CDKL5: variants seen among roughly 807,000 people sequenced by gnomAD.
The protein encoded by CDKL5 is cyclin-dependent kinase-like 5.
A neutral mutation model predicts 61.7 loss-of-function variants in CDKL5; 8 were observed. The ratio of observed to expected loss-of-function variants is 0.13; its 90% CI spans 0.08 to 0.23. The LOEUF is 0.23. CDKL5 is among the 10% of genes least tolerant of loss of function. The pLI is 1.00. For synonymous variants in CDKL5, 275 were observed against 272.3 expected (o/e 1.01, Z -0.10); for missense variants, 440 against 734.5 (o/e 0.60, Z 4.63).
chrX:18,584,111 T>C, intron 7 of CDKL5, 152 bp from the exon 8 acceptor site: 1 of 486,210 alleles, frequency 2.1e-6, no homozygotes, highest in East Asian at 3.6e-5. Flanking sequence ...CTTTTTAAGA[T>C]AACAAGGATA....
At chrX:18,600,875 G>A (rs1926155337) in intron 11 of CDKL5, among the ~76,000 whole-genome samples, 1 of 111,997 alleles carries the variant, frequency 8.9e-6, no homozygotes, top group South Asian at 3.7e-4. Flanking sequence ...ATATATTAAA[G>A]AAAAAGTCTT....
intron 1 of CDKL5, among the ~76,000 whole-genome samples, chrX:18,472,955 A>ATTTT: frequency 1.1e-5 from 1 of 92,856 alleles, no homozygotes; most frequent in Non-Finnish European, 2.2e-5. Flanking sequence ...ATCTCTTCTA[A>ATTTT]TTTTTTTTTT....
At chrX:18,548,678 T>C (rs905720943) in intron 3 of CDKL5, among the ~76,000 whole-genome samples, 1 of 112,232 alleles carries the variant, frequency 8.9e-6, no homozygotes, top group Non-Finnish European at 1.9e-5. Flanking sequence ...CCCAGCGCAG[T>C]GCTTGAATAG....
At chrX:18,571,831 C>T (rs917901121) in intron 4 of CDKL5, among the ~76,000 whole-genome samples, 5 of 111,712 alleles carry the variant, frequency 4.5e-5, no homozygotes, top group Non-Finnish European at 9.4e-5. Context: ...TCATTGCAAT[C>T]TTAGTGCTCA....
Position 18,628,267 on chromosome X carries a change from C to T in CDKL5, c.2497-104C>T, listed in dbSNP as rs181323349. 2.0e-4 allele frequency: 169 copies of T among 856,813 alleles called. No homozygotes were observed. In the African/African-American group the frequency reaches 3.0e-3, roughly 15 times the overall value. 70.6% of individuals were successfully genotyped at this position (856,813 alleles called of 1,213,427 possible). A position where few individuals can be genotyped will look rare whatever the true frequency, so the allele number is the denominator to read the frequency against. The stretch of plus-strand genomic sequence containing the variant: ...CGGCTCCTCCTTGCACATGCTTGCC[C>T]TTCCTGGCCACACCCAGTCACCTCA... On this transcript the variant is annotated intron_variant, in intron 17 of 17. Transcript: ENST00000623535.
chrX:18,583,466 G>T (rs1925546506), intron 7 of CDKL5, among the ~76,000 whole-genome samples: 1 of 111,956 alleles, frequency 8.9e-6, no homozygotes, highest in African/African-American at 3.2e-5. Flanking sequence ...CGCTGGGATT[G>T]TTTTTATTTT....
At chrX:18,607,150 G>A (rs1926391137) in intron 12 of CDKL5, among the ~76,000 whole-genome samples, 1 of 111,590 alleles carries the variant, frequency 9.0e-6, no homozygotes, top group Non-Finnish European at 1.9e-5. Context: ...TGCCACTGGT[G>A]TCTTGCGGAC....
intron 3 of CDKL5, among the ~76,000 whole-genome samples, chrX:18,545,741 T>C (rs1924168904): frequency 8.9e-6 from 1 of 112,550 alleles, no homozygotes; most frequent in Non-Finnish European, 1.9e-5. Flanking sequence ...AGGAATAATG[T>C]ATCTCTCCAT....
intron 1 of CDKL5, among the ~76,000 whole-genome samples, chrX:18,441,318 G>A (rs920423749): frequency 9.0e-6 from 1 of 110,810 alleles, no homozygotes; most frequent in Admixed American, 9.6e-5. Context: ...AGGAGGCTGA[G>A]GTGGGAGGAT....
At chrX:18,606,371 T>C (rs1424826911) in intron 12 of CDKL5, among the ~76,000 whole-genome samples, 3 of 112,522 alleles carry the variant, frequency 2.7e-5, no homozygotes, top group African/African-American at 6.5e-5. Context: ...AGCTTTGAAT[T>C]GGCTGAAGAG....
Position 18,581,934 on chromosome X carries a change from A to C in CDKL5, c.447A>C (p.Leu149=). 1 of 1,195,038 alleles carries C rather than the reference A, an allele frequency of 8.4e-7. No homozygotes were observed. Residue 149 remains leucine, a synonymous_variant, in exon 7 of 18, where the codon CTA becomes CTC. Transcript: ENST00000623535. ...ENLLISHNDV[L]KLCDFGFARN... Reference sequence around the variant, plus strand: ...TCTTAATCAGCCACAATGATGTCCTAAAACTGTGTGACTTTGGTAAGTTAA... The same window carrying C: ...TCTTAATCAGCCACAATGATGTCCTCAAACTGTGTGACTTTGGTAAGTTAA...
chrX:18,564,423 C>G, intron 3 of CDKL5, 54 bp from the exon 4 acceptor site: 1 of 888,435 alleles, frequency 1.1e-6, no homozygotes, highest in Non-Finnish European at 1.6e-6. Flanking sequence ...ACTGGAATCC[C>G]CAGTCGGAAA....
In CDKL5 at chrX:18,550,889, T is replaced by G. The variant is rs770054806; in HGVS notation, c.100-13588T>G. Reference sequence around the variant, plus strand: ...CACTGCCATGTAGTCTTCAAAATTCTCATTCATTTGCAGACAATTTGGTGT... The same window carrying G: ...CACTGCCATGTAGTCTTCAAAATTCGCATTCATTTGCAGACAATTTGGTGT... On this transcript the variant is annotated intron_variant, in intron 3 of 17. Transcript: ENST00000623535. Among the ~76,000 whole-genome samples, 7 of 113,132 alleles carry G rather than the reference T, an allele frequency of 6.2e-5. No individual in the cohort carries two copies. In the South Asian group the frequency reaches 2.2e-3, roughly 35 times the overall value.
At chrX:18,546,978 A>G (rs779888067) in intron 3 of CDKL5, among the ~76,000 whole-genome samples, 1 of 111,912 alleles carries the variant, frequency 8.9e-6, no homozygotes, top group African/African-American at 3.2e-5. Flanking sequence ...CAGTAAAGCT[A>G]AAACATCACC....
intron 1 of CDKL5, among the ~76,000 whole-genome samples, chrX:18,469,596 C>T (rs966295026): frequency 9.8e-6 from 1 of 102,505 alleles, no homozygotes; most frequent in African/African-American, 3.6e-5. Flanking sequence ...TGCAATGAGC[C>T]GAGATCGTGC....
At chrX:18,489,978 G>A (rs1921933854) in intron 1 of CDKL5, among the ~76,000 whole-genome samples, 1 of 111,379 alleles carries the variant, frequency 9.0e-6, no homozygotes, top group African/African-American at 3.3e-5. Flanking sequence ...TCCTGGGGCT[G>A]TATCACAGTT....
At chrX:18,580,068 G>A in intron 6 of CDKL5, 100 bp downstream of exon 6, 1 of 720,743 alleles carries the variant, frequency 1.4e-6, no homozygotes. Flanking sequence ...ATAAGCATTG[G>A]CATTGCCATT....
At chrX:18,525,994 G>C (rs1049709986) in intron 3 of CDKL5, among the ~76,000 whole-genome samples, 1 of 110,673 alleles carries the variant, frequency 9.0e-6, no homozygotes, top group African/African-American at 3.3e-5. Flanking sequence ...TGATCCACCC[G>C]CCTGGGCCTC....
rs1051933334 is a variant in CDKL5 at position 18,638,502 on chromosome X, G to C, written c.*9745G>C. 1 of 112,329 alleles carries C rather than the reference G, an allele frequency of 8.9e-6. No homozygotes were observed. Among genetic ancestry groups the C allele is most frequent in the Non-Finnish European group, 1.9e-5 (1 of 53,289 alleles). 9.3% of individuals were successfully genotyped at this position (112,329 alleles called of 1,213,427 possible). On this transcript the variant is annotated 3_prime_UTR_variant, in exon 18 of 18. Transcript: ENST00000623535. Reference sequence around the variant, plus strand: ...ACTTGGAAGCATAGTTTGTGTGTTTGACAGCAAGATTCTATTAGGCTTCAG... The same window carrying C: ...ACTTGGAAGCATAGTTTGTGTGTTTCACAGCAAGATTCTATTAGGCTTCAG...
Sources: allele counts gnomAD v4.1 joint callset (sites outside exome capture counted in the v4.1 genomes callset), GRCh38; gene constraint gnomAD v4.1.1; transcripts MANE v1.5; gene names NCBI Gene and HGNC (gene_info 2026-07-23, HGNC 2026-07-21).